Variants in GLS observed in about 807,000 individuals in gnomAD.
The protein encoded by GLS is glutaminase, also known as glutaminase kidney isoform, mitochondrial.
In GLS, 36 loss-of-function variants were observed where a neutral mutation model predicts 86.7. The observed-to-expected ratio is 0.42, with a 90% CI of 0.32 to 0.55. The LOEUF (loss-of-function observed/expected upper bound fraction) is 0.55. Ranked by LOEUF, GLS falls within the 20% of genes least tolerant of loss-of-function variation. The probability of loss-of-function intolerance (pLI) is 0.17; values close to 1 mark genes in which losing one functional copy is unlikely to be tolerated. For missense variants in GLS, 528 were observed against 833.4 expected, an observed-to-expected ratio of 0.63 and a Z score of 4.51; for synonymous variants, 317 against 305.9, an observed-to-expected ratio of 1.04 and a Z score of -0.38.
Position 190,953,443 on chromosome 2 carries a change from C to G in GLS, c.1651-122C>G. Reference sequence around the variant, plus strand: ...TTGGCTATGGAAGTGTCCTTGAGATCACTTTTTGCACGTGACTCAGCTGAA... The same window carrying G: ...TTGGCTATGGAAGTGTCCTTGAGATGACTTTTTGCACGTGACTCAGCTGAA... On this transcript the variant is annotated intron_variant, in intron 14 of 17. Coordinates refer to ENST00000320717, the MANE Select transcript of GLS (RefSeq NM_014905.5). The surrounding 1 kb of genome is among the most constrained non-coding windows in gnomAD (Gnocchi z 4.0). 1.5e-6 allele frequency: 1 copy of G among 680,298 alleles called. No individual in the cohort carries two copies. Among genetic ancestry groups the G allele is most frequent in the Non-Finnish European group, 2.7e-6 (1 of 370,736 alleles). The allele number at this position is 680,298 out of a possible 1,614,324, so 42.1% of individuals were successfully genotyped here.
chr2:190,959,042 G>C (rs1050924445), intron 17 of GLS, among the ~76,000 whole-genome samples: 5 of 150,522 alleles, frequency 3.3e-5, no homozygotes, highest in African/African-American at 1.2e-4. Context: ...CACTATTATT[G>C]TGTGGGAGTC....
chr2:190,916,148 T>A (rs1446980014), intron 7 of GLS, among the ~76,000 whole-genome samples: 1 of 152,200 alleles, frequency 6.6e-6, no homozygotes, highest in African/African-American at 2.4e-5. Flanking sequence ...AATCAATTAC[T>A]GTTTCAAATG....
intron 17 of GLS, among the ~76,000 whole-genome samples, chr2:190,961,182 A>G (rs1690992553): frequency 6.6e-6 from 1 of 152,178 alleles, no homozygotes; most frequent in South Asian, 2.1e-4. Flanking sequence ...GTCACCTTAA[A>G]TTATAATAGG....
In GLS at chr2:190,962,921, CAAG is replaced by C; in HGVS notation, c.1946_1948del (p.Gln649_Gly650delinsArg). On this transcript the variant is annotated inframe_deletion, in exon 18 of 18. Coordinates refer to ENST00000320717, the MANE Select transcript of GLS (RefSeq NM_014905.5). The surrounding 1 kb of genome is among the most constrained non-coding windows in gnomAD (Gnocchi z 4.2). ...AGAATACCAAGTCCAGTACACACCT[CAAG>C]GAGATTCTGACAACGGGAAGGAAAA... 6.2e-7 allele frequency: 1 copy of C among 1,609,800 alleles called. No homozygotes were observed. Among genetic ancestry groups the C allele is most frequent in the Non-Finnish European group, 8.5e-7 (1 of 1,177,732 alleles).
intron 1 of GLS, among the ~76,000 whole-genome samples, chr2:190,886,657 C>G (rs181413941): frequency 3.0e-4 from 45 of 151,986 alleles, no homozygotes; most frequent in Non-Finnish European, 4.9e-4. Context: ...GGCTCATGCC[C>G]GTAATCCCAG....
chr2:190,884,010 C>T (rs1415159007), intron 1 of GLS, among the ~76,000 whole-genome samples: 2 of 152,158 alleles, frequency 1.3e-5, no homozygotes, highest in African/African-American at 4.8e-5. Flanking sequence ...GTCTTAATAT[C>T]ACATAGAAAA....
intron 1 of GLS, among the ~76,000 whole-genome samples, chr2:190,891,771 T>C (rs1343256745): frequency 6.6e-6 from 1 of 152,114 alleles, no homozygotes; most frequent in African/African-American, 2.4e-5. Context: ...ATATATATAT[T>C]CTCAACACTA....
intron 14 of GLS, chr2:190,932,684 TA>T: frequency 6.5e-7 from 1 of 1,534,424 alleles, no homozygotes; most frequent in Non-Finnish European, 8.8e-7. Flanking sequence ...TCAAGTGCAC[TA>T]ATAAATTATG....
chr2:190,910,393 C>A, intron 7 of GLS, 72 bp downstream of exon 7: 1 of 727,160 alleles, frequency 1.4e-6, no homozygotes, highest in Non-Finnish European at 2.4e-6. Context: ...AAAGATGAAT[C>A]TGGGATTATT....
chr2:190,889,272 A>T (rs970776280), intron 1 of GLS, among the ~76,000 whole-genome samples: 1 of 152,116 alleles, frequency 6.6e-6, no homozygotes, highest in Admixed American at 6.5e-5. Flanking sequence ...TATAGAGTTA[A>T]TTTTTTTAGA....
intron 4 of GLS, 74 bp from the exon 5 acceptor site, chr2:190,901,873 A>T: frequency 1.1e-6 from 1 of 927,778 alleles, no homozygotes; most frequent in South Asian, 1.3e-5. Context: ...ATGAGATAAG[A>T]AATTTGTTGG....
chr2:190,907,827 G>A (rs1689213489), intron 6 of GLS, among the ~76,000 whole-genome samples: 1 of 152,146 alleles, frequency 6.6e-6, no homozygotes, highest in Non-Finnish European at 1.5e-5. Context: ...GATACAGAAG[G>A]CAATTACATA....
At chr2:190,945,839 T>G (rs977155433) in intron 14 of GLS, among the ~76,000 whole-genome samples, 8 of 152,164 alleles carry the variant, frequency 5.3e-5, no homozygotes, top group African/African-American at 1.9e-4. Context: ...GCTATTTGAT[T>G]TATTCCTCTC....
intron 14 of GLS, among the ~76,000 whole-genome samples, chr2:190,950,499 A>G (rs1457052590): frequency 2.0e-5 from 3 of 152,206 alleles, no homozygotes; most frequent in Non-Finnish European, 2.9e-5. Flanking sequence ...CTGTGAGAGA[A>G]AGAATAGAAT....
intron 6 of GLS, among the ~76,000 whole-genome samples, chr2:190,909,414 T>C (rs1222461958): frequency 6.6e-6 from 1 of 152,218 alleles, no homozygotes; most frequent in Non-Finnish European, 1.5e-5. Flanking sequence ...CTTGAACTTA[T>C]TCCCCCTGTG....
In GLS at chr2:190,947,271, T is replaced by C. The variant is rs1006823569; in HGVS notation, c.1651-6294T>C. Among the ~76,000 whole-genome samples the C allele has an allele frequency of 2.6e-5, 4 of 152,222 alleles. No homozygotes were observed. Among genetic ancestry groups the C allele is most frequent in the South Asian group, 2.1e-4 (1 of 4,832 alleles). On this transcript the variant is annotated intron_variant, in intron 14 of 17. Transcript: ENST00000320717. The surrounding 1 kb of genome is among the most constrained non-coding windows in gnomAD (Gnocchi z 5.0). ...AACTGATACACTCCCCACCTGCTTC[T>C]AGCTGTTTTGGAAAAAAGTGAGATT...
At chr2:190,901,007 G>C (rs181800540) in intron 4 of GLS, among the ~76,000 whole-genome samples, 2 of 152,042 alleles carry the variant, frequency 1.3e-5, no homozygotes, top group African/African-American at 4.8e-5. Flanking sequence ...AGTATTAAAC[G>C]AAATGTTTCT....
chr2:190,902,387 C>G (rs935859037), intron 5 of GLS, among the ~76,000 whole-genome samples: 1 of 152,066 alleles, frequency 6.6e-6, no homozygotes, highest in African/African-American at 2.4e-5. Flanking sequence ...CATTGGTAAC[C>G]CATCTGTCGT....
rs115116659 is a variant in GLS at position 190,916,014 on chromosome 2, T to C, written c.1039-5010T>C. ...GAGTAACATTGCTATAATAAAACTT[T>C]TAAAATTTCAATCTACTTGTCTATT... On this transcript the variant is annotated intron_variant, in intron 7 of 17. Coordinates refer to ENST00000320717, the MANE Select transcript of GLS (RefSeq NM_014905.5). 5.3e-5 allele frequency among the ~76,000 whole-genome samples: 8 copies of C among 152,308 alleles called. No individual in the cohort carries two copies. The South Asian group carries it at 8.3e-4, about 16-fold the overall frequency.
Sources: allele counts gnomAD v4.1 joint callset (sites outside exome capture counted in the v4.1 genomes callset), GRCh38; gene constraint gnomAD v4.1.1; non-coding constraint Gnocchi (gnomAD v3.1); transcripts MANE v1.5; gene names NCBI Gene and HGNC (gene_info 2026-07-23, HGNC 2026-07-21).